KLHL13: variants seen among roughly 807,000 people sequenced by gnomAD.
The protein encoded by KLHL13 is kelch-like protein 13.
In KLHL13, 10 loss-of-function variants were observed where a neutral mutation model predicts 37.1. The ratio of observed to expected loss-of-function variants is 0.27; its 90% CI spans 0.17 to 0.46. KLHL13 has a LOEUF of 0.46. Ranked by LOEUF, KLHL13 falls within the 20% of genes least tolerant of loss-of-function variation. The pLI is 1.00. For synonymous variants in KLHL13, 163 were observed against 181.2 expected (o/e 0.90, Z 0.81); for missense variants, 360 against 509.3 (o/e 0.71, Z 2.82).
intron 1 of KLHL13, among the ~76,000 whole-genome samples, chrX:118,095,919 A>G (rs1450351291): frequency 9.0e-6 from 1 of 111,233 alleles, no homozygotes; most frequent in Non-Finnish European, 1.9e-5. Flanking sequence ...TCTGGGACAC[A>G]TTCAAAGCAG....
intron 1 of KLHL13, among the ~76,000 whole-genome samples, chrX:118,004,872 G>A (rs1237612106): frequency 9.0e-6 from 1 of 111,498 alleles, no homozygotes; most frequent in Non-Finnish European, 1.9e-5. Flanking sequence ...AATTCCTGCT[G>A]AAGAAGCAAA....
intron 1 of KLHL13, among the ~76,000 whole-genome samples, chrX:118,057,344 T>C (rs778606587): frequency 1.8e-5 from 2 of 112,319 alleles, no homozygotes; most frequent in African/African-American, 6.5e-5. Flanking sequence ...GTATACCATA[T>C]ACAAATATTA....
intron 1 of KLHL13, among the ~76,000 whole-genome samples, chrX:118,025,966 A>G (rs1282233857): frequency 8.9e-6 from 1 of 111,860 alleles, no homozygotes; most frequent in Non-Finnish European, 1.9e-5. Flanking sequence ...GATTGATGAC[A>G]GTTGGATTCG....
intron 1 of KLHL13, among the ~76,000 whole-genome samples, chrX:118,086,206 G>C (rs1296036088): frequency 6.3e-5 from 7 of 111,963 alleles, no homozygotes; most frequent in Non-Finnish European, 5.6e-5. Flanking sequence ...AAAGTGCTGG[G>C]ATTACAGGCG....
intron 1 of KLHL13, among the ~76,000 whole-genome samples, chrX:118,045,200 T>C (rs964182040): frequency 3.7e-5 from 4 of 108,463 alleles, no homozygotes; most frequent in African/African-American, 1.0e-4. Flanking sequence ...AGTGAAACCC[T>C]GTCTCTACTA....
chrX:117,933,992 G>T lies in KLHL13; in HGVS notation c.240+11442C>A, dbSNP rs1602565994. 4.5e-5 allele frequency among the ~76,000 whole-genome samples: 5 copies of T among 111,130 alleles called. No homozygotes were observed. In the South Asian group the frequency reaches 1.9e-3, roughly 42 times the overall value. ...AAATCATGTCCTCTGCAGCAACATG[G>T]ATACTGCTGGGGGCCATTATCCCAA... is the stretch of plus-strand genomic sequence containing the variant. On this transcript the variant is annotated intron_variant, in intron 2 of 6. Coordinates refer to ENST00000262820, the Ensembl canonical transcript of KLHL13.
At chrX:117,908,949 T>A (rs1040439322) in intron 5 of KLHL13, among the ~76,000 whole-genome samples, 30 of 112,167 alleles carry the variant, frequency 2.7e-4, no homozygotes, top group African/African-American at 9.7e-4. Flanking sequence ...TATGGCCTTT[T>A]AAAAGCAGAA....
intron 1 of KLHL13, among the ~76,000 whole-genome samples, chrX:118,097,661 A>T (rs776923936): frequency 5.0e-4 from 56 of 111,852 alleles, no homozygotes; most frequent in African/African-American, 1.8e-3. Context: ...GAGGCATCAC[A>T]CTACCTGCTT....
At chrX:117,899,475 C>T in intron 6 of KLHL13, 80 bp from the exon 8 acceptor site, 2 of 852,431 alleles carry the variant, frequency 2.3e-6, no homozygotes, top group East Asian at 3.1e-5. Context: ...TCACAGATAA[C>T]TTTTAGTCAC....
intron 1 of KLHL13, among the ~76,000 whole-genome samples, chrX:117,955,232 G>A: frequency 9.0e-6 from 1 of 111,610 alleles, no homozygotes; most frequent in Non-Finnish European, 1.9e-5. Context: ...GCTAAAAGGT[G>A]GTGAAAATCC....
intron 1 of KLHL13, among the ~76,000 whole-genome samples, chrX:118,097,565 A>AT (rs2055227045): frequency 1.8e-5 from 2 of 111,943 alleles, no homozygotes; most frequent in Admixed American, 9.5e-5. Flanking sequence ...TCTTCACAGA[A>AT]TGGGAAAAAA....
intron 1 of KLHL13, among the ~76,000 whole-genome samples, chrX:117,999,371 G>T (rs981471162): frequency 4.5e-5 from 5 of 111,244 alleles, no homozygotes; most frequent in African/African-American, 1.6e-4. Flanking sequence ...CCATAAAAAA[G>T]GATGAGTTCA....
chrX:117,963,220 GT>G (rs951764637), intron 1 of KLHL13, among the ~76,000 whole-genome samples: 1 of 111,489 alleles, frequency 9.0e-6, no homozygotes, highest in African/African-American at 3.3e-5. Flanking sequence ...GGGGAAATGG[GT>G]AAAAACAACA....
intron 1 of KLHL13, among the ~76,000 whole-genome samples, chrX:118,003,468 T>C (rs1350413085): frequency 8.9e-6 from 1 of 111,934 alleles, no homozygotes; most frequent in Non-Finnish European, 1.9e-5. Flanking sequence ...TAACAAAAAG[T>C]ATTATGAGAA....
In KLHL13 at chrX:118,100,632, A is replaced by G. The variant is rs148108465; in HGVS notation, c.-56+15876T>C. ...GTCAGATACAACATACAAAAACTGT[A>G]TTACTCGCCTACTTAAAACTGCCAA... On this transcript the variant is annotated intron_variant, in intron 1 of 6. Transcript: ENST00000371882. 9.3e-3 allele frequency among the ~76,000 whole-genome samples: 1,035 copies of G among 111,301 alleles called. 14 individuals are homozygous for G. The highest frequency in any genetic ancestry group is 0.032 in the African/African-American group (973 of 30,609).
chrX:117,919,576 C>G, exon 4 of KLHL13: 1 of 1,210,380 alleles, frequency 8.3e-7, no homozygotes, highest in Non-Finnish European at 1.1e-6. Context: ...CTGTAGGAAA[C>G]TGGCAGCTTC....
intron 1 of KLHL13, among the ~76,000 whole-genome samples, chrX:118,002,825 T>C (rs1029778778): frequency 9.0e-6 from 1 of 111,171 alleles, no homozygotes; most frequent in Non-Finnish European, 1.9e-5. Flanking sequence ...AAATTATGAA[T>C]TAAGTGTAAG....
chrX:117,930,228 G>C (rs1932338787), intron 2 of KLHL13, among the ~76,000 whole-genome samples: 1 of 86,020 alleles, frequency 1.2e-5, no homozygotes, highest in African/African-American at 5.6e-5. Flanking sequence ...AAGGAAGGAA[G>C]GAAGGAAGGA....
chrX:118,083,824 G>T (rs1305193615), intron 1 of KLHL13, among the ~76,000 whole-genome samples: 2 of 111,001 alleles, frequency 1.8e-5, no homozygotes, highest in Non-Finnish European at 3.8e-5. Context: ...ACATCACATT[G>T]TACCCCATAA....
Sources: gnomAD v4.1 joint callset for allele counts (sites outside exome capture counted in the v4.1 genomes callset) on GRCh38, gnomAD v4.1.1 for gene constraint, MANE v1.5 for transcripts, NCBI Gene and HGNC (gene_info 2026-07-23, HGNC 2026-07-21) for gene names.